KIZ: variants seen among roughly 807,000 people sequenced by gnomAD.
KIZ encodes centrosomal protein kizuna.
KIZ carries 68 observed loss-of-function variants against 79.6 expected under a neutral mutation model. That is an observed-to-expected ratio of 0.85 (90% CI 0.70 to 1.05). KIZ has a LOEUF of 1.05. Ranked by LOEUF, KIZ falls within the 50% of genes least tolerant of loss-of-function variation. KIZ has a pLI of 0.00. For missense variants in KIZ, 797 were observed against 800.4 expected (o/e 1.00, Z 0.05); for synonymous variants, 280 against 281.8 (o/e 0.99, Z 0.06).
At chr20:21,243,147 G>C (rs2037275950) in intron 11 of KIZ, among the ~76,000 whole-genome samples, 2 of 152,116 alleles carry the variant, frequency 1.3e-5, no homozygotes, top group South Asian at 4.1e-4. Flanking sequence ...CTGTCAGTCA[G>C]CTGCTGGCCT....
intron 9 of KIZ, among the ~76,000 whole-genome samples, 172 bp from the exon 10 acceptor site, chr20:21,228,839 C>T (rs189145355): frequency 1.3e-5 from 2 of 152,226 alleles, no homozygotes; most frequent in East Asian, 1.9e-4. Flanking sequence ...TCTTGAAACC[C>T]GGGTTCAACT....
intron 9 of KIZ, among the ~76,000 whole-genome samples, chr20:21,219,483 A>G (rs2036430913): frequency 6.6e-6 from 1 of 151,768 alleles, no homozygotes; most frequent in Admixed American, 6.6e-5. Flanking sequence ...ATGCCTGGCT[A>G]ATTTTTGTAT....
chr20:21,150,302 CAGTG>C (rs1171404392), intron 4 of KIZ, among the ~76,000 whole-genome samples: 5 of 152,306 alleles, frequency 3.3e-5, no homozygotes, highest in South Asian at 2.1e-4. Flanking sequence ...AGGGAAATAA[CAGTG>C]GGTGGAGGAG....
At chr20:21,186,265 A>G (rs920951091) in intron 6 of KIZ, among the ~76,000 whole-genome samples, 6 of 151,980 alleles carry the variant, frequency 3.9e-5, no homozygotes, top group Non-Finnish European at 8.8e-5. Context: ...CCCTAAAAGA[A>G]TTTCTGGTCA....
chr20:21,199,107 A>G (rs2035480981), intron 6 of KIZ, among the ~76,000 whole-genome samples: 1 of 152,206 alleles, frequency 6.6e-6, no homozygotes, highest in African/African-American at 2.4e-5. Flanking sequence ...GTTAAACTAA[A>G]TGATTCATTT....
intron 1 of KIZ, 83 bp downstream of exon 1, chr20:21,126,287 C>A: frequency 5.1e-6 from 5 of 989,990 alleles, no homozygotes; most frequent in Non-Finnish European, 6.9e-6. Flanking sequence ...TTCCCGCTCC[C>A]CCGTCCGAGG....
intron 3 of KIZ, among the ~76,000 whole-genome samples, chr20:21,137,030 A>G (rs74645244): frequency 0.018 from 2,671 of 152,304 alleles, 82 homozygotes; most frequent in African/African-American, 0.06. Context: ...GGTGTAACAC[A>G]TGGTATTTGT....
chr20:21,139,945 G>A (rs1402745507), intron 3 of KIZ, among the ~76,000 whole-genome samples: 1 of 152,192 alleles, frequency 6.6e-6, no homozygotes, highest in Non-Finnish European at 1.5e-5. Flanking sequence ...AAGGATGTGA[G>A]TTCCATGGAG....
intron 3 of KIZ, among the ~76,000 whole-genome samples, chr20:21,138,469 G>A (rs1568910058): frequency 6.6e-6 from 1 of 152,170 alleles, no homozygotes; most frequent in Non-Finnish European, 1.5e-5. Flanking sequence ...ATATATGGCT[G>A]TTGAGCACTT....
chr20:21,224,410 A>G (rs2036597603), intron 9 of KIZ, among the ~76,000 whole-genome samples: 1 of 152,272 alleles, frequency 6.6e-6, no homozygotes, highest in Non-Finnish European at 1.5e-5. Flanking sequence ...CCAAGTTTGC[A>G]GTGTCAGCAA....
chr20:21,196,685 G>C (rs564939379), intron 6 of KIZ: 1 of 152,304 alleles, frequency 6.6e-6, no homozygotes, highest in African/African-American at 2.4e-5. Flanking sequence ...CTCGGGGTCT[G>C]ACCTACAAGA....
At chr20:21,160,713 T>C (rs1363206350) in intron 4 of KIZ, among the ~76,000 whole-genome samples, 1 of 152,220 alleles carries the variant, frequency 6.6e-6, no homozygotes, top group Non-Finnish European at 1.5e-5. Flanking sequence ...ATTGAAATTC[T>C]AATCCCCAAG....
Position 21,162,990 on chromosome 20 carries a change from C to T in KIZ, c.1183C>T (p.Gln395Ter), listed in dbSNP as rs1158212065. Residue 395 changes from glutamine (Q) to a stop codon, truncating the protein, a stop_gained, in exon 6 of 13, where the codon CAG becomes TAG. Transcript: ENST00000619189. LOFTEE classifies it high-confidence loss of function. ...TCTGATTTTAGAGAGCCCAGAACCA[C>T]AGCCAAATCCAGGTGGCAAGATGGA... ...DDLILESPEP[Q>*]PNPGGKMEGE... 4 of 1,613,792 alleles carry T rather than the reference C, an allele frequency of 2.5e-6. No individual in the cohort carries two copies. Among genetic ancestry groups the T allele is most frequent in the Non-Finnish European group, 3.4e-6 (4 of 1,179,852 alleles).
At chr20:21,132,682 A>T (rs2031929723) in intron 2 of KIZ, among the ~76,000 whole-genome samples, 2 of 152,248 alleles carry the variant, frequency 1.3e-5, no homozygotes, top group Non-Finnish European at 2.9e-5. Flanking sequence ...TAAAATCGGT[A>T]TGAGATCAAA....
At chr20:21,155,550 T>C (rs1259187255) in intron 4 of KIZ, among the ~76,000 whole-genome samples, 1 of 152,144 alleles carries the variant, frequency 6.6e-6, no homozygotes, top group Non-Finnish European at 1.5e-5. Flanking sequence ...GGAGTTACGC[T>C]AAAAGGTATG....
chr20:21,134,709 T>A (rs2032071909), intron 2 of KIZ, among the ~76,000 whole-genome samples: 1 of 149,372 alleles, frequency 6.7e-6, no homozygotes, highest in Admixed American at 6.7e-5. Flanking sequence ...CTCTGTTGCC[T>A]AGGCTGGAGT....
intron 6 of KIZ, among the ~76,000 whole-genome samples, chr20:21,184,739 A>G: frequency 6.6e-6 from 1 of 152,170 alleles, no homozygotes; most frequent in Non-Finnish European, 1.5e-5. Flanking sequence ...TTAAGCAGGA[A>G]ATAAGACTTT....
chr20:21,217,963 G>A (rs572549676), intron 9 of KIZ, among the ~76,000 whole-genome samples: 4 of 152,296 alleles, frequency 2.6e-5, no homozygotes, highest in African/African-American at 9.6e-5. Flanking sequence ...GACACTTTCA[G>A]TCTGTTCTGG....
chr20:21,184,307 A>G (rs1600480059), intron 6 of KIZ, among the ~76,000 whole-genome samples: 2 of 151,822 alleles, frequency 1.3e-5, no homozygotes, highest in South Asian at 4.2e-4. Context: ...CCACCACCAC[A>G]CCCAGCTAAT....
Sources: allele counts gnomAD v4.1 joint callset (sites outside exome capture counted in the v4.1 genomes callset), GRCh38; gene constraint gnomAD v4.1.1; transcripts MANE v1.5; gene names NCBI Gene and HGNC (gene_info 2026-07-23, HGNC 2026-07-21).